ENTREP2: variants seen among roughly 807,000 people sequenced by gnomAD.
ENTREP2 encodes protein ENTREP2.
At chr15:29,638,335 T>C in the ENTREP2 span, among the ~76,000 whole-genome samples, 3 of 152,166 alleles carry the variant, frequency 2.0e-5, no homozygotes, top group African/African-American at 4.8e-5. Flanking sequence ...CTGGTCTCTA[T>C]CCACAGGATT....
At chr15:29,622,604 A>C in the ENTREP2 span, among the ~76,000 whole-genome samples, 1 of 152,204 alleles carries the variant, frequency 6.6e-6, no homozygotes, top group Non-Finnish European at 1.5e-5. Flanking sequence ...TGTTATTGAG[A>C]ATAAACTCCA....
chr15:29,665,852 C>CTTTT, the ENTREP2 span, among the ~76,000 whole-genome samples: 8 of 131,096 alleles, frequency 6.1e-5, no homozygotes, highest in African/African-American at 1.8e-4. Flanking sequence ...TTTACATCAT[C>CTTTT]TTTTTTTTTT....
chr15:29,433,628 C>T, the ENTREP2 span, among the ~76,000 whole-genome samples: 48 of 152,202 alleles, frequency 3.2e-4, no homozygotes, highest in East Asian at 9.3e-3. Context: ...AGAGAATCCC[C>T]ATAATAGGCT....
the ENTREP2 span, among the ~76,000 whole-genome samples, chr15:29,608,047 G>A: frequency 6.6e-6 from 1 of 152,108 alleles, no homozygotes; most frequent in Non-Finnish European, 1.5e-5. Flanking sequence ...GGGAGACTAG[G>A]CCAGTCTTGC....
At chr15:29,501,964 AAAG>A in the ENTREP2 span, among the ~76,000 whole-genome samples, 1 of 152,028 alleles carries the variant, frequency 6.6e-6, no homozygotes, top group African/African-American at 2.4e-5. Context: ...AAATCTAACT[AAAG>A]AAGTGCAAGA....
chr15:29,160,068 A>G, the ENTREP2 span, among the ~76,000 whole-genome samples: 1 of 152,196 alleles, frequency 6.6e-6, no homozygotes. Context: ...CCTTGCCCAG[A>G]GGGAAGGCAG....
At chr15:29,117,899 C>G in the ENTREP2 span, 1 of 138,336 alleles carries the variant, frequency 7.2e-6, no homozygotes, top group Non-Finnish European at 1.6e-5. Context: ...AAGGAGGGCA[C>G]AGGTGTCTGC....
the ENTREP2 span, among the ~76,000 whole-genome samples, chr15:29,479,637 C>CCT: frequency 5.9e-5 from 6 of 100,960 alleles, no homozygotes; most frequent in Admixed American, 4.7e-4. Flanking sequence ...TCTCTCCCTC[C>CCT]CTCTCTCTCT....
chr15:29,470,107 T>C, the ENTREP2 span, among the ~76,000 whole-genome samples: 26 of 152,298 alleles, frequency 1.7e-4, no homozygotes, highest in African/African-American at 5.8e-4. Context: ...TAAGACAAGA[T>C]CAAAGAATGG....
chr15:29,420,203 T>C, the ENTREP2 span, among the ~76,000 whole-genome samples: 44 of 152,190 alleles, frequency 2.9e-4, no homozygotes, highest in South Asian at 2.7e-3. Flanking sequence ...CTTGAGGGAT[T>C]TGGGGGCTAA....
chr15:29,622,096 G>C, the ENTREP2 span, among the ~76,000 whole-genome samples: 1 of 152,116 alleles, frequency 6.6e-6, no homozygotes, highest in Non-Finnish European at 1.5e-5. Context: ...TTTCAGTTTT[G>C]CAAGATGAAA....
chr15:29,521,264 G>T, the ENTREP2 span, among the ~76,000 whole-genome samples: 3 of 152,180 alleles, frequency 2.0e-5, no homozygotes, highest in African/African-American at 4.8e-5. Flanking sequence ...CAACATCCCA[G>T]CAGGCTTTGT....
the ENTREP2 span, among the ~76,000 whole-genome samples, chr15:29,478,778 G>A: frequency 1.3e-4 from 20 of 151,398 alleles, no homozygotes; most frequent in Admixed American, 2.6e-4. Flanking sequence ...GGTGGTGGGC[G>A]CCTATAATCC....
the ENTREP2 span, among the ~76,000 whole-genome samples, chr15:29,197,872 A>G: frequency 6.6e-6 from 1 of 152,218 alleles, no homozygotes; most frequent in African/African-American, 2.4e-5. Context: ...TTTCCAATAG[A>G]TAATATGTTT....
At chr15:29,658,401 G>A in the ENTREP2 span, among the ~76,000 whole-genome samples, 1 of 152,092 alleles carries the variant, frequency 6.6e-6, no homozygotes, top group African/African-American at 2.4e-5. Flanking sequence ...ACCCAGTCTC[G>A]AGTATGTCCT....
the ENTREP2 span, among the ~76,000 whole-genome samples, chr15:29,246,420 C>T: frequency 3.4e-5 from 5 of 145,710 alleles, no homozygotes; most frequent in Admixed American, 6.9e-5. Context: ...AAAGGCTGGG[C>T]GCAGTGGCTC....
the ENTREP2 span, among the ~76,000 whole-genome samples, chr15:29,416,917 G>A: frequency 3.3e-5 from 5 of 152,222 alleles, no homozygotes; most frequent in African/African-American, 4.8e-5. Flanking sequence ...CTGGCCATCA[G>A]AGAAATGCAA....
chr15:29,342,012 C>T, the ENTREP2 span, among the ~76,000 whole-genome samples: 2 of 152,186 alleles, frequency 1.3e-5, no homozygotes, highest in Admixed American at 1.3e-4. Flanking sequence ...TGGTTGGACC[C>T]TCAAGCCCAT....
At chr15:29,308,680 A>G in the ENTREP2 span, among the ~76,000 whole-genome samples, 2 of 152,244 alleles carry the variant, frequency 1.3e-5, no homozygotes, top group Non-Finnish European at 2.9e-5. Flanking sequence ...TACCTTGCAC[A>G]TAACAGGAAT....
Sources: allele counts gnomAD v4.1 joint callset (sites outside exome capture counted in the v4.1 genomes callset), GRCh38; gene constraint gnomAD v4.1.1; transcripts MANE v1.5; gene names NCBI Gene and HGNC (gene_info 2026-07-23, HGNC 2026-07-21).